IPO11: variants seen among roughly 807,000 people sequenced by gnomAD.
IPO11 encodes the protein importin-11.
A neutral mutation model predicts 143.2 loss-of-function variants in IPO11; 66 were observed. The ratio of observed to expected loss-of-function variants is 0.46; its 90% confidence interval spans 0.38 to 0.57. The LOEUF (loss-of-function observed/expected upper bound fraction) is 0.57, where lower values mean the gene tolerates loss of function less well. Among genes scored for constraint, IPO11 ranks in the 20% least tolerant of loss-of-function variants. The pLI, the probability that IPO11 is intolerant of heterozygous loss-of-function variation, is 0.00. For missense variants in IPO11, 1,026 were observed against 1,141.0 expected, an observed-to-expected ratio of 0.90 and a Z score of 1.45; for synonymous variants, 385 against 377.8, an observed-to-expected ratio of 1.02 and a Z score of -0.22.
At chr5:62,488,455 T>C (rs1025937370) in intron 13 of IPO11, among the ~76,000 whole-genome samples, 1 of 152,234 alleles carries the variant, frequency 6.6e-6, no homozygotes, top group Non-Finnish European at 1.5e-5. Flanking sequence ...ACCGATTGAA[T>C]GTGCTAGGCA....
intron 29 of IPO11, among the ~76,000 whole-genome samples, chr5:62,610,889 A>T (rs1435899178): frequency 1.3e-5 from 2 of 152,130 alleles, no homozygotes; most frequent in African/African-American, 4.8e-5. Flanking sequence ...AACAGTACAT[A>T]CATAGTATTT....
At chr5:62,589,684 G>C (rs940001416) in intron 27 of IPO11, among the ~76,000 whole-genome samples, 22 of 152,098 alleles carry the variant, frequency 1.4e-4, no homozygotes, top group African/African-American at 5.1e-4. Context: ...ACTGCCCTGG[G>C]CAATAATGAT....
chr5:62,461,821 C>T (rs749021960), intron 5 of IPO11, among the ~76,000 whole-genome samples: 1 of 152,122 alleles, frequency 6.6e-6, no homozygotes, highest in Admixed American at 6.5e-5. Context: ...AGAAATGTTT[C>T]AGATTTTTTT....
rs1006936126 is a variant in IPO11, at chr5:62,478,727, G to A, written c.828+1974G>A. Among the ~76,000 whole-genome samples, 18 of 152,128 alleles carry A rather than the reference G, an allele frequency of 1.2e-4. No homozygotes were observed. In the East Asian group the frequency reaches 2.1e-3, roughly 18 times the overall value. ...TGTTTTGAATTTGATTGCTTGTGTC[G>A]CCACATGCTTTTTGTTAACATGTTC... is the stretch of plus-strand genomic sequence containing the variant. On this transcript the variant is annotated intron_variant, in intron 9 of 29. Transcript: ENST00000325324.
At chr5:62,479,456 AATG>A (rs1233996941) in intron 9 of IPO11, among the ~76,000 whole-genome samples, 1 of 152,188 alleles carries the variant, frequency 6.6e-6, no homozygotes, top group Non-Finnish European at 1.5e-5. Context: ...TATAACCAGT[AATG>A]GGATGGCTGG....
At chr5:62,591,436 T>C in intron 27 of IPO11, 141 bp from the exon 28 acceptor site, 1 of 581,036 alleles carries the variant, frequency 1.7e-6, no homozygotes, top group Non-Finnish European at 3.0e-6. Context: ...CTTTTTGTTA[T>C]AAGAAATAGA....
chr5:62,414,247 G>A (rs1743214968), intron 1 of IPO11, among the ~76,000 whole-genome samples: 1 of 152,210 alleles, frequency 6.6e-6, no homozygotes, highest in African/African-American at 2.4e-5. Flanking sequence ...CCAGAATGCA[G>A]CATGATCCTT....
intron 9 of IPO11, among the ~76,000 whole-genome samples, chr5:62,480,726 T>A (rs375877142): frequency 6.6e-6 from 1 of 152,018 alleles, no homozygotes; most frequent in East Asian, 1.9e-4. Flanking sequence ...CACTTATGAT[T>A]TGGCTGTTTG....
rs26022 is a variant in IPO11 at position 62,503,074 on chromosome 5, C to T, written c.1591-1593C>T. On this transcript the variant is annotated intron_variant, in intron 16 of 29. Coordinates refer to ENST00000325324, the MANE Select transcript of IPO11 (RefSeq NM_016338.5). ...TCCTGGCCTCAAGTGATCCGCCTGC[C>T]TCCGCCTCCCAAAGTGCTGGGATTA... Among the ~76,000 whole-genome samples, 2,251 of 152,196 alleles carry T rather than the reference C, an allele frequency of 0.015. 123 individuals are homozygous for T. The East Asian group carries it at 0.18, about 12-fold the overall frequency.
At chr5:62,580,999 G>A in intron 27 of IPO11, 3 of 1,551,236 alleles carry the variant, frequency 1.9e-6, no homozygotes, top group South Asian at 2.4e-5. Context: ...TACACAAGAA[G>A]TTGAGAAGTT....
chr5:62,440,110 G>A (rs781530387), intron 2 of IPO11, among the ~76,000 whole-genome samples: 1 of 152,110 alleles, frequency 6.6e-6, no homozygotes, highest in Non-Finnish European at 1.5e-5. Context: ...TAGATTCTAG[G>A]CGTAAGACAA....
At chr5:62,435,116 A>ATATG (rs1554047190) in intron 1 of IPO11, among the ~76,000 whole-genome samples, 2 of 52,134 alleles carry the variant, frequency 3.8e-5, no homozygotes, top group Non-Finnish European at 8.3e-5. Flanking sequence ...ATATGTATAT[A>ATATG]TGTATATATG....
chr5:62,415,554 C>T (rs553467936), intron 1 of IPO11, among the ~76,000 whole-genome samples: 52 of 151,044 alleles, frequency 3.4e-4, no homozygotes, highest in African/African-American at 1.2e-3. Context: ...CTGCAACCTC[C>T]GCCTCCTGGG....
At chr5:62,431,230 C>T (rs886776819) in intron 1 of IPO11, among the ~76,000 whole-genome samples, 24 of 152,134 alleles carry the variant, frequency 1.6e-4, no homozygotes, top group African/African-American at 5.3e-4. Flanking sequence ...CCGCCCACCT[C>T]GACCTCCCAA....
At chr5:62,594,160 G>A (rs1745131995) in intron 28 of IPO11, among the ~76,000 whole-genome samples, 1 of 152,160 alleles carries the variant, frequency 6.6e-6, no homozygotes, top group African/African-American at 2.4e-5. Flanking sequence ...GGGTTCTCCA[G>A]AGAAACAGAA....
intron 28 of IPO11, 83 bp from the exon 29 acceptor site, chr5:62,601,681 G>C (rs1022815839): frequency 1.4e-5 from 8 of 586,626 alleles, no homozygotes; most frequent in Non-Finnish European, 1.9e-5. Flanking sequence ...AATTATTCAT[G>C]TTCTTAGTGA....
intron 1 of IPO11, among the ~76,000 whole-genome samples, chr5:62,432,664 A>G (rs1744035083): frequency 6.6e-6 from 1 of 152,198 alleles, no homozygotes; most frequent in Non-Finnish European, 1.5e-5. Context: ...AATTTTCACC[A>G]GTTAGGGTTG....
At chr5:62,549,482 T>A (rs1743322080) in intron 24 of IPO11, among the ~76,000 whole-genome samples, 1 of 152,202 alleles carries the variant, frequency 6.6e-6, no homozygotes, top group Non-Finnish European at 1.5e-5. Flanking sequence ...AATGGTTCTC[T>A]TCATACAAAA....
intron 9 of IPO11, among the ~76,000 whole-genome samples, chr5:62,479,211 T>G (rs1369870911): frequency 2.0e-5 from 3 of 152,182 alleles, no homozygotes; most frequent in Non-Finnish European, 4.4e-5. Context: ...CTTGCGATAG[T>G]ATGCTCAGAA....
Sources: gnomAD v4.1 joint callset for allele counts (sites outside exome capture counted in the v4.1 genomes callset) on GRCh38, gnomAD v4.1.1 for gene constraint, MANE v1.5 for transcripts, NCBI Gene and HGNC (gene_info 2026-07-23, HGNC 2026-07-21) for gene names.